CBFA2T2: variants seen among roughly 807,000 people sequenced by gnomAD.
CBFA2T2 encodes CBFA2/RUNX1 partner transcriptional co-repressor 2, also known as protein CBFA2T2.
A neutral mutation model predicts 62.2 loss-of-function variants in CBFA2T2; 11 were observed. The ratio of observed to expected loss-of-function variants is 0.18; its 90% confidence interval spans 0.11 to 0.29. The LOEUF is 0.29. Among genes scored for constraint, CBFA2T2 ranks in the 10% least tolerant of loss-of-function variants. The pLI is 1.00. For synonymous variants in CBFA2T2, 295 were observed against 287.5 expected, an observed-to-expected ratio of 1.03 and a Z score of -0.27; for missense variants, 592 against 774.1, an observed-to-expected ratio of 0.76 and a Z score of 2.79.
chr20:33,591,721 T>C (rs1264791727), intron 1 of CBFA2T2, among the ~76,000 whole-genome samples: 3 of 152,192 alleles, frequency 2.0e-5, no homozygotes, highest in Non-Finnish European at 4.4e-5. Context: ...TAAAGTTTAA[T>C]AGTTTTCTTT....
At chr20:33,545,546 C>CA (rs1397887410) in intron 1 of CBFA2T2, among the ~76,000 whole-genome samples, 19 of 82 alleles carry the variant, frequency 0.23, no homozygotes, top group Admixed American at 0.43. Context: ...CCTCCGGGTT[C>CA]AAGGATTCTC....
chr20:33,537,037 C>G (rs2012271522), intron 1 of CBFA2T2, among the ~76,000 whole-genome samples: 1 of 151,786 alleles, frequency 6.6e-6, no homozygotes. Flanking sequence ...CCTCACGTCC[C>G]AGACGATGGG....
chr20:33,600,456 G>A (rs772197750), intron 1 of CBFA2T2: 27 of 404,684 alleles, frequency 6.7e-5, no homozygotes, highest in South Asian at 4.7e-4. Context: ...CCAACGTGCT[G>A]GGATTACAGG....
Position 33,490,108 on chromosome 20 carries a change from G to C in CBFA2T2, c.-160G>C. The stretch of plus-strand genomic sequence containing the variant: ...GCCTAACGGCGGCGGCGGCGGCGGC[G>C]ACGGCGACAGCAGCGGTGGTGGTGT... On this transcript the variant is annotated 5_prime_UTR_variant, in exon 1 of 11. Transcript: ENST00000342704. The C allele has an allele frequency of 1.4e-6, 1 of 704,610 alleles. No homozygotes were observed. The highest frequency in any genetic ancestry group is 1.9e-6 in the Non-Finnish European group (1 of 540,206). The allele number at this position is 704,610 out of a possible 1,614,324, so 43.6% of individuals were successfully genotyped here.
intron 1 of CBFA2T2, among the ~76,000 whole-genome samples, chr20:33,565,953 A>T (rs2013293385): frequency 6.6e-6 from 1 of 152,230 alleles, no homozygotes; most frequent in Admixed American, 6.5e-5. Context: ...ATTCAGTTGG[A>T]TCCGAAAGAT....
At chr20:33,504,450 T>C (rs952447450) in intron 1 of CBFA2T2, among the ~76,000 whole-genome samples, 3 of 149,358 alleles carry the variant, frequency 2.0e-5, no homozygotes, top group Non-Finnish European at 4.4e-5. Flanking sequence ...GCTCTGTCAC[T>C]TAGGCTGGAA....
intron 1 of CBFA2T2, among the ~76,000 whole-genome samples, chr20:33,560,933 A>G (rs944744790): frequency 1.3e-5 from 2 of 152,034 alleles, no homozygotes; most frequent in Non-Finnish European, 2.9e-5. Flanking sequence ...GCTGGAGTGC[A>G]GTGGCATGAT....
At chr20:33,620,389 C>T (rs1471275665) in intron 4 of CBFA2T2, among the ~76,000 whole-genome samples, 1 of 152,008 alleles carries the variant, frequency 6.6e-6, no homozygotes, top group Admixed American at 6.6e-5. Context: ...CTTGTAGTCC[C>T]AGCTAGTTGG....
rs1439398130 is a variant in CBFA2T2, at chr20:33,648,436, G to C, written c.*3790G>C. The stretch of plus-strand genomic sequence containing the variant: ...CTTGAGGGCTGGGTTTCACGTCTTT[G>C]CTTGTCCTTTTTGTCCCCACTTGCC... On this transcript the variant is annotated 3_prime_UTR_variant, in exon 11 of 11. Transcript: ENST00000342704. The C allele has an allele frequency of 6.6e-6, 1 of 152,320 alleles. No individual in the cohort carries two copies. Among genetic ancestry groups the C allele is most frequent in the African/African-American group, 2.4e-5 (1 of 41,430 alleles). 9.4% of individuals were successfully genotyped at this position (152,320 alleles called of 1,614,324 possible).
At chr20:33,596,377 G>C (rs2014885970) in intron 1 of CBFA2T2, among the ~76,000 whole-genome samples, 1 of 152,176 alleles carries the variant, frequency 6.6e-6, no homozygotes, top group Non-Finnish European at 1.5e-5. Flanking sequence ...TTTCAAATAA[G>C]TAGGTTTAAA....
chr20:33,636,009 A>G (rs548769038), intron 8 of CBFA2T2, among the ~76,000 whole-genome samples: 2 of 152,256 alleles, frequency 1.3e-5, no homozygotes, highest in South Asian at 4.2e-4. Flanking sequence ...ATGTTTCCTA[A>G]TGTTTTATTT....
At chr20:33,589,325 T>A (rs1250962786) in intron 1 of CBFA2T2, among the ~76,000 whole-genome samples, 1 of 152,202 alleles carries the variant, frequency 6.6e-6, no homozygotes. Context: ...TGTTTGGTAG[T>A]CCCTTACCCC....
chr20:33,490,309 G>C lies in CBFA2T2; in HGVS notation c.34+8G>C. 1 of 1,284,600 alleles carries C rather than the reference G, an allele frequency of 7.8e-7. No homozygotes were observed. Among genetic ancestry groups the C allele is most frequent in the Non-Finnish European group, 9.8e-7 (1 of 1,016,428 alleles). The allele number at this position is 1,284,600 out of a possible 1,614,324, so 79.6% of individuals were successfully genotyped here. ...GAGCGGCCGCCTTCCAGCGTAAGTG[G>C]GGCGTGAATGCGGGCGGCCGAGGGG... On this transcript the variant is annotated splice_region_variant and intron_variant, in intron 1 of 10. Transcript: ENST00000342704.
chr20:33,490,333 G>C (rs750328258), intron 1 of CBFA2T2, 32 bp downstream of exon 1: 113 of 1,276,126 alleles, frequency 8.9e-5, no homozygotes, highest in Non-Finnish European at 1.1e-4. Context: ...GCGGCCGAGG[G>C]GGGCGTGTGA....
At chr20:33,595,653 G>A (rs1027352479) in intron 1 of CBFA2T2, among the ~76,000 whole-genome samples, 1 of 151,898 alleles carries the variant, frequency 6.6e-6, no homozygotes, top group South Asian at 2.1e-4. Flanking sequence ...CCAGGCTCAG[G>A]CAATCCTCCC....
intron 1 of CBFA2T2, among the ~76,000 whole-genome samples, chr20:33,533,091 A>G (rs2012104926): frequency 6.6e-6 from 1 of 151,978 alleles, no homozygotes; most frequent in Non-Finnish European, 1.5e-5. Flanking sequence ...TTCCCCCCTT[A>G]CATATACTTT....
At chr20:33,643,800 TATATATATATATATATA>T (rs2016943650) in intron 10 of CBFA2T2, among the ~76,000 whole-genome samples, 3 of 34,538 alleles carry the variant, frequency 8.7e-5, no homozygotes, top group African/African-American at 2.8e-4. Flanking sequence ...TATATATATA[TATATATATATATATATA>T]GTATATAATG....
In CBFA2T2 at chr20:33,647,926, G is replaced by T. The variant is rs556462806; in HGVS notation, c.*3280G>T. 1.6e-4 allele frequency: 25 copies of T among 152,378 alleles called. No individual in the cohort carries two copies. Among genetic ancestry groups the T allele is most frequent in the African/African-American group, 6.0e-4 (25 of 41,590 alleles). 9.4% of individuals were successfully genotyped at this position (152,378 alleles called of 1,614,324 possible). A position where few individuals can be genotyped will look rare whatever the true frequency, so the allele number is the denominator to read the frequency against. On this transcript the variant is annotated 3_prime_UTR_variant, in exon 11 of 11. Transcript: ENST00000342704. ...TCAGTTTCACACAGAAGTCACGAGGGCCTCTGCCCAGGACCTTCTATTCAC... is the reference window on the plus strand; with the variant it reads ...TCAGTTTCACACAGAAGTCACGAGGTCCTCTGCCCAGGACCTTCTATTCAC...
chr20:33,613,105 T>G (rs1270765374), intron 3 of CBFA2T2, among the ~76,000 whole-genome samples: 1 of 152,252 alleles, frequency 6.6e-6, no homozygotes, highest in East Asian at 1.9e-4. Context: ...CTCAGTCTAT[T>G]ATGAAAGGAA....
Sources: allele counts gnomAD v4.1 joint callset (sites outside exome capture counted in the v4.1 genomes callset), GRCh38; gene constraint gnomAD v4.1.1; transcripts MANE v1.5; gene names NCBI Gene and HGNC (gene_info 2026-07-23, HGNC 2026-07-21).